Variants in KIAA0319L observed in about 807,000 individuals in gnomAD.
KIAA0319L encodes dyslexia-associated protein KIAA0319-like protein.
Under a neutral mutation model 120.1 loss-of-function variants are expected in KIAA0319L, and 55 were observed. The observed-to-expected ratio is 0.46, with a 90% CI of 0.37 to 0.57. The LOEUF (loss-of-function observed/expected upper bound fraction) is 0.57. Ranked by LOEUF, KIAA0319L falls within the 20% of genes least tolerant of loss-of-function variation. The pLI is 0.00. For missense variants in KIAA0319L, 1,049 were observed against 1,255.3 expected (o/e 0.84, Z 2.48); for synonymous variants, 398 against 471.9 (o/e 0.84, Z 2.03).
chr1:35,462,513 G>A (rs1642969437), intron 8 of KIAA0319L, 108 bp downstream of exon 8: 2 of 870,434 alleles, frequency 2.3e-6, no homozygotes, highest in Admixed American at 4.0e-5. Flanking sequence ...AAGATGACTG[G>A]CCTAAACAGA....
intron 3 of KIAA0319L, among the ~76,000 whole-genome samples, chr1:35,496,210 AG>A (rs1157317305): frequency 6.6e-6 from 1 of 152,212 alleles, no homozygotes; most frequent in Admixed American, 6.5e-5. Context: ...ACTTGAGGTC[AG>A]GGGTTCGATA....
chr1:35,470,869 T>C lies in KIAA0319L; in HGVS notation c.1107A>G (p.Leu369=), dbSNP rs752772606. 18 of 1,605,476 alleles carry C rather than the reference T, an allele frequency of 1.1e-5. No homozygotes were observed. The highest frequency in any genetic ancestry group is 3.3e-5 in the Admixed American group (2 of 60,004). Residue 369 remains leucine, a synonymous_variant, in exon 6 of 21, where the codon CTA becomes CTG. Coordinates refer to ENST00000325722, the MANE Select transcript of KIAA0319L (RefSeq NM_024874.5). ...TGAAAGGAGGCAAATTCACCTTCGATAGTTTGAGGATCTGGGAATGTTTCC... is the reference window on the plus strand; with the variant it reads ...TGAAAGGAGGCAAATTCACCTTCGACAGTTTGAGGATCTGGGAATGTTTCC... The part of the protein sequence containing the change: ...MEGKHSQILK[L]SKLTPGLYEF...
chr1:35,446,346 T>A (rs1641621381), intron 16 of KIAA0319L, among the ~76,000 whole-genome samples: 1 of 152,142 alleles, frequency 6.6e-6, no homozygotes, highest in African/African-American at 2.4e-5. Flanking sequence ...CTTCCTATTT[T>A]AAAAAGATGT....
At chr1:35,470,361 C>T (rs1643539846) in intron 6 of KIAA0319L, among the ~76,000 whole-genome samples, 1 of 151,842 alleles carries the variant, frequency 6.6e-6, no homozygotes, top group South Asian at 2.1e-4. Flanking sequence ...GGTATAATGG[C>T]ATGACCCTGC....
chr1:35,452,820 C>T (rs1642159845), intron 12 of KIAA0319L, among the ~76,000 whole-genome samples: 1 of 148,878 alleles, frequency 6.7e-6, no homozygotes, highest in South Asian at 2.1e-4. Context: ...TCTCCAATGC[C>T]TTTGTCAAAC....
At chr1:35,527,947 T>C (rs1646216959) in intron 2 of KIAA0319L, among the ~76,000 whole-genome samples, 1 of 152,158 alleles carries the variant, frequency 6.6e-6, no homozygotes, top group Admixed American at 6.5e-5. Flanking sequence ...CCTTTCTAGT[T>C]CCTTAAGGTC....
intron 2 of KIAA0319L, among the ~76,000 whole-genome samples, chr1:35,550,994 A>T (rs1393192331): frequency 6.6e-6 from 1 of 152,254 alleles, no homozygotes; most frequent in Non-Finnish European, 1.5e-5. Context: ...ATGACTGTTG[A>T]TCAGTGCTCT....
At chr1:35,539,050 T>C (rs1010597991) in intron 2 of KIAA0319L, among the ~76,000 whole-genome samples, 1 of 152,114 alleles carries the variant, frequency 6.6e-6, no homozygotes, top group South Asian at 2.1e-4. Flanking sequence ...AACACCCAAA[T>C]GTTCTTCAGT....
In KIAA0319L at chr1:35,554,397, T is replaced by A. The variant is rs1417441241; in HGVS notation, c.95A>T (p.Tyr32Phe). Residue 32 changes from tyrosine to phenylalanine, a missense_variant, in exon 2 of 21, where the codon TAC (tyrosine) becomes TTC (phenylalanine). Transcript: ENST00000325722. ...QTSAKWLRSLYLFYTCFCFSV... is the reference protein window; with the variant it reads ...QTSAKWLRSLFLFYTCFCFSV... Reference sequence around the variant, plus strand: ...GAAGCAAAAGCAAGTATAAAACAGGTACAGGCTTCTCAACCACTTCGCAGA... The same window carrying A: ...GAAGCAAAAGCAAGTATAAAACAGGAACAGGCTTCTCAACCACTTCGCAGA... 1 of 1,613,124 alleles carries A rather than the reference T, an allele frequency of 6.2e-7. No homozygotes were observed.
At position 35,442,291 on chromosome 1, in the gene KIAA0319L, AC is replaced by A; in HGVS notation, c.2824del (p.Val942LeufsTer10). ...YVIIATFVIV[V>X]ALGILSWTVI... Reference sequence around the variant, plus strand: ...AGTCCAAGACAGGATTCCCAAGGCAACAACAATGACAAAGGTAGCAATGATA... The same window carrying A: ...AGTCCAAGACAGGATTCCCAAGGCAAAACAATGACAAAGGTAGCAATGATA... On this transcript the variant is annotated frameshift_variant, in exon 19 of 21. Coordinates refer to ENST00000325722, the MANE Select transcript of KIAA0319L (RefSeq NM_024874.5). LOFTEE classifies it high-confidence loss of function. The A allele has an allele frequency of 6.2e-7, 1 of 1,614,040 alleles. No individual in the cohort carries two copies. The highest frequency in any genetic ancestry group is 1.1e-5 in the South Asian group (1 of 91,086).
At position 35,463,327 on chromosome 1, in the gene KIAA0319L, T is replaced by A. The variant is rs1570690956; in HGVS notation, c.1202-614A>T. 2.0e-5 allele frequency among the ~76,000 whole-genome samples: 3 copies of A among 152,198 alleles called. No individual in the cohort carries two copies. In the East Asian group the frequency reaches 5.8e-4, roughly 29 times the overall value. ...CTTTCAATGCTCATGTGCTATCTAG[T>A]TGATGAAAAGTACTACAGCAGCAAG... On this transcript the variant is annotated intron_variant, in intron 7 of 20. Coordinates refer to ENST00000325722, the MANE Select transcript of KIAA0319L (RefSeq NM_024874.5).
intron 7 of KIAA0319L, among the ~76,000 whole-genome samples, chr1:35,464,419 T>A (rs1470651613): frequency 6.6e-6 from 1 of 152,176 alleles, no homozygotes; most frequent in Non-Finnish European, 1.5e-5. Flanking sequence ...GCCCTAGAGA[T>A]CTGCAGAACT....
intron 18 of KIAA0319L, 147 bp downstream of exon 18, chr1:35,442,759 G>T: frequency 1.1e-6 from 1 of 906,126 alleles, no homozygotes. Flanking sequence ...GTGGAGGAAG[G>T]AAGTAAAAGT....
intron 7 of KIAA0319L, among the ~76,000 whole-genome samples, chr1:35,465,771 C>G (rs1172694491): frequency 6.6e-6 from 1 of 152,140 alleles, no homozygotes; most frequent in Non-Finnish European, 1.5e-5. Flanking sequence ...GTGGGAGGAA[C>G]CTGGTGGGAG....
chr1:35,551,003 C>T (rs1647179191), intron 2 of KIAA0319L, among the ~76,000 whole-genome samples: 1 of 152,188 alleles, frequency 6.6e-6, no homozygotes, highest in African/African-American at 2.4e-5. Flanking sequence ...GATCAGTGCT[C>T]TCATTCACAA....
chr1:35,473,080 C>CTT (rs962861379), intron 5 of KIAA0319L, among the ~76,000 whole-genome samples: 1,321 of 90,520 alleles, frequency 0.015, 92 homozygotes, highest in African/African-American at 0.054. Flanking sequence ...TGCGCCCAGC[C>CTT]TTTTTTTTTT....
chr1:35,534,575 G>A (rs746754335), intron 2 of KIAA0319L, among the ~76,000 whole-genome samples: 2 of 152,050 alleles, frequency 1.3e-5, no homozygotes, highest in South Asian at 2.1e-4. Flanking sequence ...AATAACAATC[G>A]GTGGCCGGGC....
chr1:35,499,038 A>G (rs889028376), intron 3 of KIAA0319L, among the ~76,000 whole-genome samples: 2 of 152,164 alleles, frequency 1.3e-5, no homozygotes, highest in African/African-American at 4.8e-5. Flanking sequence ...GTTTATCTTT[A>G]TAGAAATTAA....
intron 10 of KIAA0319L, among the ~76,000 whole-genome samples, chr1:35,455,573 A>ATTTTTTT (rs551358599): frequency 2.0e-4 from 19 of 93,464 alleles, no homozygotes; most frequent in Non-Finnish European, 3.1e-4. Flanking sequence ...ATTTAAGATA[A>ATTTTTTT]TTTTTTTTTT....
Sources: allele counts gnomAD v4.1 joint callset (sites outside exome capture counted in the v4.1 genomes callset), GRCh38; gene constraint gnomAD v4.1.1; transcripts MANE v1.5; gene names NCBI Gene and HGNC (gene_info 2026-07-23, HGNC 2026-07-21).